SV2C: variants seen among roughly 807,000 people sequenced by gnomAD.
The protein encoded by SV2C is solute carrier family 22 member B3.
A neutral mutation model predicts 79.7 loss-of-function variants in SV2C; 49 were observed. That is an observed-to-expected ratio of 0.61 (90% CI 0.49 to 0.78). The LOEUF is 0.78. SV2C is among the 30% of genes least tolerant of loss of function. The pLI is 0.00. For missense variants in SV2C, 833 were observed against 912.9 expected (o/e 0.91, Z 1.13); for synonymous variants, 334 against 333.2 (o/e 1.00, Z -0.03).
chr5:76,118,785 C>T (rs1748376433), intron 1 of SV2C, among the ~76,000 whole-genome samples: 1 of 152,134 alleles, frequency 6.6e-6, no homozygotes, highest in Admixed American at 6.6e-5. Context: ...AGTTCGAGAC[C>T]AGCCTGGCCA....
chr5:76,282,527 A>G (rs570801704), intron 4 of SV2C, among the ~76,000 whole-genome samples: 2 of 152,322 alleles, frequency 1.3e-5, no homozygotes, highest in African/African-American at 2.4e-5. Context: ...TGTTTTTGTG[A>G]TTGTCTATTG....
intron 2 of SV2C, chr5:76,174,096 C>T (rs1260839863): frequency 1.3e-6 from 2 of 1,585,356 alleles, no homozygotes; most frequent in Admixed American, 1.7e-5. Flanking sequence ...TCGTATTTTT[C>T]TACAAAAATT....
At chr5:76,104,810 C>G (rs1424910050) in intron 1 of SV2C, among the ~76,000 whole-genome samples, 1 of 152,128 alleles carries the variant, frequency 6.6e-6, no homozygotes, top group Non-Finnish European at 1.5e-5. Flanking sequence ...GGGACCTGCT[C>G]TTTCTCATTC....
the SV2C span, among the ~76,000 whole-genome samples, chr5:76,003,763 A>G: frequency 6.6e-6 from 1 of 152,082 alleles, no homozygotes; most frequent in Admixed American, 6.6e-5. Flanking sequence ...AGCAGGGGCC[A>G]TTTGGGTTAG....
At chr5:75,882,856 A>G in the SV2C span, among the ~76,000 whole-genome samples, 1 of 152,044 alleles carries the variant, frequency 6.6e-6, no homozygotes, top group Non-Finnish European at 1.5e-5. Flanking sequence ...TAATTAAACT[A>G]AAGAGCTTCT....
At chr5:76,052,364 G>A in the SV2C span, among the ~76,000 whole-genome samples, 3 of 152,266 alleles carry the variant, frequency 2.0e-5, no homozygotes, top group Admixed American at 2.0e-4. Context: ...CATTTGTTAG[G>A]TGAATTGCCT....
At chr5:76,054,707 C>G in the SV2C span, among the ~76,000 whole-genome samples, 1 of 152,172 alleles carries the variant, frequency 6.6e-6, no homozygotes, top group Non-Finnish European at 1.5e-5. Context: ...GAGGTTTTAT[C>G]TCATTGTGGT....
At chr5:76,256,920 G>A (rs114457388) in intron 4 of SV2C, among the ~76,000 whole-genome samples, 2,228 of 152,256 alleles carry the variant, frequency 0.015, 63 homozygotes, top group African/African-American at 0.051. Flanking sequence ...TTCTAAAATT[G>A]CATTTGAACT....
At chr5:76,265,607 A>T (rs1746627051) in intron 4 of SV2C, among the ~76,000 whole-genome samples, 1 of 152,218 alleles carries the variant, frequency 6.6e-6, no homozygotes, top group Non-Finnish European at 1.5e-5. Flanking sequence ...GTGGTGGTGT[A>T]GGCATACGAA....
At chr5:75,853,607 C>CAAA in the SV2C span, among the ~76,000 whole-genome samples, 1,647 of 28,052 alleles carry the variant, frequency 0.059, 212 homozygotes, top group East Asian at 0.1. Flanking sequence ...GACTCCGTCT[C>CAAA]AAAAAAAAAA....
rs1486517992 is a variant in SV2C, at chr5:76,331,712, T to G, written c.*6165T>G. 1 of 152,372 alleles carries G rather than the reference T, an allele frequency of 6.6e-6. No individual in the cohort carries two copies. Among genetic ancestry groups the G allele is most frequent in the African/African-American group, 2.4e-5 (1 of 41,444 alleles). The allele number at this position is 152,372 out of a possible 1,614,324, so 9.4% of individuals were successfully genotyped here. A position where few individuals can be genotyped will look rare whatever the true frequency, so the allele number is the denominator to read the frequency against. Reference sequence around the variant, plus strand: ...CTCCTCTGGTCGACAACCTCTTAATTCTAGCAGTGTACAAAAGCAAGGCCA... The same window carrying G: ...CTCCTCTGGTCGACAACCTCTTAATGCTAGCAGTGTACAAAAGCAAGGCCA... On this transcript the variant is annotated 3_prime_UTR_variant, in exon 13 of 13. Coordinates refer to ENST00000502798, the MANE Select transcript of SV2C (RefSeq NM_014979.4).
At chr5:76,139,854 G>GTGTTTAAAA (rs375690893) in intron 2 of SV2C, among the ~76,000 whole-genome samples, 1 of 64,744 alleles carries the variant, frequency 1.5e-5, no homozygotes, top group Non-Finnish European at 4.4e-5. Context: ...GCTCTTGAAA[G>GTGTTTAAAA]TATTTTTTTT....
chr5:75,948,804 A>G, the SV2C span, among the ~76,000 whole-genome samples: 1 of 151,860 alleles, frequency 6.6e-6, no homozygotes, highest in African/African-American at 2.4e-5. Flanking sequence ...GGCTGTGGGG[A>G]GATAGGAAAG....
At chr5:76,160,731 G>A (rs1742873788) in intron 2 of SV2C, among the ~76,000 whole-genome samples, 5 of 152,148 alleles carry the variant, frequency 3.3e-5, no homozygotes, top group Admixed American at 3.3e-4. Flanking sequence ...GACTTGAATA[G>A]ACATTTCTCC....
chr5:75,995,473 A>C, the SV2C span, among the ~76,000 whole-genome samples: 1 of 152,148 alleles, frequency 6.6e-6, no homozygotes, highest in East Asian at 1.9e-4. Flanking sequence ...CAGGCAACTA[A>C]GATTTCCCTA....
chr5:75,984,598 C>CCTACCTATCTATCTATCTATCTAT, the SV2C span, among the ~76,000 whole-genome samples: 86 of 82,430 alleles, frequency 1.0e-3, no homozygotes, highest in African/African-American at 3.3e-3. Context: ...TATCTATCTA[C>CCTACCTATCTATCTATCTATCTAT]CTATCTATCT....
the SV2C span, among the ~76,000 whole-genome samples, chr5:75,975,573 T>C: frequency 6.6e-6 from 1 of 152,208 alleles, no homozygotes; most frequent in Non-Finnish European, 1.5e-5. Flanking sequence ...AAGCTCCATG[T>C]GACAAGATAT....
the SV2C span, among the ~76,000 whole-genome samples, chr5:75,849,494 T>G: frequency 6.6e-6 from 1 of 152,230 alleles, no homozygotes; most frequent in Non-Finnish European, 1.5e-5. Flanking sequence ...AACAGTGTGG[T>G]ATACATTTGT....
At chr5:76,158,600 T>C (rs965494667) in intron 2 of SV2C, among the ~76,000 whole-genome samples, 9 of 152,090 alleles carry the variant, frequency 5.9e-5, no homozygotes, top group African/African-American at 1.9e-4. Flanking sequence ...ACAATGGTAG[T>C]TGAAGACTTC....
Sources: allele counts gnomAD v4.1 joint callset (sites outside exome capture counted in the v4.1 genomes callset), GRCh38; gene constraint gnomAD v4.1.1; transcripts MANE v1.5; gene names NCBI Gene and HGNC (gene_info 2026-07-23, HGNC 2026-07-21).